Variants in GFM1 observed in about 807,000 individuals in gnomAD.
GFM1 encodes the protein elongation factor G, mitochondrial.
Under a neutral mutation model 96.2 loss-of-function variants are expected in GFM1, and 62 were observed. The ratio of observed to expected loss-of-function variants is 0.64; its 90% confidence interval spans 0.53 to 0.80. The LOEUF (loss-of-function observed/expected upper bound fraction) is 0.80, where lower values mean the gene tolerates loss of function less well. Ranked by LOEUF, GFM1 falls within the 30% of genes least tolerant of loss-of-function variation. The pLI is 0.00. For missense variants in GFM1, 852 were observed against 916.6 expected (o/e 0.93, Z 0.91); for synonymous variants, 282 against 312.9 (o/e 0.90, Z 1.04).
chr3:158,660,810 T>C lies in GFM1; in HGVS notation c.1222-64T>C, dbSNP rs930658336. 6 of 1,391,760 alleles carry C rather than the reference T, an allele frequency of 4.3e-6. No individual in the cohort carries two copies. The African/African-American group carries it at 8.5e-5, about 20-fold the overall frequency. 86.2% of individuals were successfully genotyped at this position (1,391,760 alleles called of 1,614,324 possible). On this transcript the variant is annotated intron_variant, in intron 9 of 17. Coordinates refer to ENST00000486715, the MANE Select transcript of GFM1 (RefSeq NM_024996.7). Reference sequence around the variant, plus strand: ...AATGTGTGTACTGTACAGTTTACTTTTTAGTTACCACATCTTTATTTGTAT... The same window carrying C: ...AATGTGTGTACTGTACAGTTTACTTCTTAGTTACCACATCTTTATTTGTAT...
At position 158,653,286 on chromosome 3, in the gene GFM1, C is replaced by G. The variant is rs768792924; in HGVS notation, c.841-24C>G. The G allele has an allele frequency of 5.7e-6, 9 of 1,588,244 alleles. No individual in the cohort carries two copies. The African/African-American group carries it at 1.2e-4, about 21-fold the overall frequency. ...CAACATGTAATTTTAACATTAACTACCATTAAATTGTTTTCTTTTGTAGCT... is the reference window on the plus strand; with the variant it reads ...CAACATGTAATTTTAACATTAACTAGCATTAAATTGTTTTCTTTTGTAGCT... On this transcript the variant is annotated intron_variant, in intron 6 of 17. Coordinates refer to ENST00000486715, the MANE Select transcript of GFM1 (RefSeq NM_024996.7).
chr3:158,690,382 T>C, intron 16 of GFM1, 59 bp downstream of exon 16: 1 of 1,541,698 alleles, frequency 6.5e-7, no homozygotes, highest in East Asian at 2.2e-5. Flanking sequence ...GAAATCCAGG[T>C]TAGCTTTTGT....
intron 13 of GFM1, among the ~76,000 whole-genome samples, chr3:158,677,130 A>G (rs1436015894): frequency 6.6e-6 from 1 of 152,072 alleles, no homozygotes; most frequent in Non-Finnish European, 1.5e-5. Flanking sequence ...GTGATTTCTG[A>G]TGTTATTGTA....
At chr3:158,674,111 C>T (rs1019828463) in intron 13 of GFM1, among the ~76,000 whole-genome samples, 9 of 139,522 alleles carry the variant, frequency 6.5e-5, no homozygotes, top group East Asian at 2.1e-4. Context: ...GACAGAGTTT[C>T]GCTCTGTTGC....
intron 13 of GFM1, among the ~76,000 whole-genome samples, chr3:158,668,592 G>A (rs150956338): frequency 1.3e-5 from 2 of 152,304 alleles, no homozygotes; most frequent in African/African-American, 4.8e-5. Context: ...TATGATTACC[G>A]TGATGCTTTT....
chr3:158,684,866 C>T lies in GFM1; in HGVS notation c.1909+198C>T, dbSNP rs1008925387. 9 of 574,770 alleles carry T rather than the reference C, an allele frequency of 1.6e-5. No individual in the cohort carries two copies. In the African/African-American group the frequency reaches 1.7e-4, roughly 11 times the overall value. The allele number at this position is 574,770 out of a possible 1,614,324, so 35.6% of individuals were successfully genotyped here. On this transcript the variant is annotated intron_variant, in intron 15 of 17. Transcript: ENST00000486715. ...TCTTTCTTGCAAAGCTAAAAGACTA[C>T]TGTATTCTCCTACATTCTCTGGGGC...
At chr3:158,658,894 C>T in intron 8 of GFM1, 28 bp from the exon 9 acceptor site, 1 of 1,613,074 alleles carries the variant, frequency 6.2e-7, no homozygotes, top group Non-Finnish European at 8.5e-7. Flanking sequence ...TTTTATTCTT[C>T]CTGCCCTTAC....
chr3:158,656,993 A>C (rs1409806585), intron 8 of GFM1: 1 of 152,130 alleles, frequency 6.6e-6, no homozygotes, highest in Non-Finnish European at 1.5e-5. Context: ...GTTCCTTTTT[A>C]AGTAAAATGG....
chr3:158,646,295 C>G lies in GFM1; in HGVS notation c.365C>G (p.Pro122Arg), dbSNP rs1721797567. ...GTCAATATTAACATTATAGATACTCCTGGTGAGTTGGATTCTTGGTTTTAT... is the reference window on the plus strand; with the variant it reads ...GTCAATATTAACATTATAGATACTCGTGGTGAGTTGGATTCTTGGTTTTAT... Reference protein sequence around the residue: ...KDVNINIIDTPGHVDFTIEVE... With the variant: ...KDVNINIIDTRGHVDFTIEVE... Residue 122 changes from proline to arginine, a missense_variant and splice_region_variant, in exon 3 of 18, where the codon CCT becomes CGT. Coordinates refer to ENST00000486715, the MANE Select transcript of GFM1 (RefSeq NM_024996.7). The G allele has an allele frequency of 6.2e-7, 1 of 1,614,068 alleles. No homozygotes were observed. Among genetic ancestry groups the G allele is most frequent in the Non-Finnish European group, 8.5e-7 (1 of 1,179,946 alleles).
chr3:158,685,294 C>T (rs1462585847), intron 15 of GFM1: 2 of 152,394 alleles, frequency 1.3e-5, no homozygotes, highest in Non-Finnish European at 2.9e-5. Context: ...AGCAGTTTCA[C>T]ATCAGGATTA....
chr3:158,691,891 G>GTT lies in GFM1; in HGVS notation c.*425_*426dup, dbSNP rs1433491080. ...ACATACTTTCCATCTACCTTCCTTT[G>GTT]TTAACGGGTTGTTTATCATATAATA... On this transcript the variant is annotated 3_prime_UTR_variant, in exon 18 of 18. Transcript: ENST00000486715. 5.6e-6 allele frequency: 1 copy of GTT among 178,302 alleles called. No individual in the cohort carries two copies. Among genetic ancestry groups the GTT allele is most frequent in the East Asian group, 1.6e-4 (1 of 6,290 alleles). 11.0% of individuals were successfully genotyped at this position (178,302 alleles called of 1,614,324 possible).
intron 9 of GFM1, chr3:158,660,508 A>G (rs575834304): frequency 2.0e-5 from 5 of 255,054 alleles, no homozygotes; most frequent in African/African-American, 4.6e-5. Context: ...TCGGCCTCCC[A>G]AAGTGCTGTG....
chr3:158,648,072 CT>C (rs903232869), intron 4 of GFM1, among the ~76,000 whole-genome samples: 4 of 151,390 alleles, frequency 2.6e-5, no homozygotes, highest in African/African-American at 4.9e-5. Context: ...TGCCTGAAAA[CT>C]TTTTTTTTCA....
intron 13 of GFM1, among the ~76,000 whole-genome samples, chr3:158,672,099 G>A (rs191301816): frequency 7.8e-4 from 119 of 152,244 alleles, no homozygotes; most frequent in African/African-American, 2.8e-3. Flanking sequence ...CCGTTTTCTT[G>A]TAACTGTGTG....
intron 15 of GFM1, among the ~76,000 whole-genome samples, chr3:158,687,438 C>G (rs1022375806): frequency 6.6e-6 from 1 of 152,110 alleles, no homozygotes; most frequent in African/African-American, 2.4e-5. Flanking sequence ...CTCAAAACAT[C>G]ACACTGTATC....
chr3:158,668,995 C>A lies in GFM1; in HGVS notation c.1601+2609C>A, dbSNP rs768523167. 2.5e-6 allele frequency: 4 copies of A among 1,607,318 alleles called. No individual in the cohort carries two copies. In the South Asian group the frequency reaches 3.3e-5, roughly 13 times the overall value. On this transcript the variant is annotated intron_variant, in intron 13 of 17. Transcript: ENST00000486715. Reference sequence around the variant, plus strand: ...TAGTGTATTTTATAGAAACTACTTACCACTTGCTTGACAGTTTGAATTTTT... The same window carrying A: ...TAGTGTATTTTATAGAAACTACTTAACACTTGCTTGACAGTTTGAATTTTT...
chr3:158,694,059 C>T lies in GFM1; in HGVS notation c.*2592C>T, dbSNP rs1348919157. On this transcript the variant is annotated 3_prime_UTR_variant, in exon 18 of 18. Coordinates refer to ENST00000486715, the MANE Select transcript of GFM1 (RefSeq NM_024996.7). Reference sequence around the variant, plus strand: ...TGGGGTCTTCTAAGACAAAAACCATCTGACTCAGCAATACCATTACTATAT... The same window carrying T: ...TGGGGTCTTCTAAGACAAAAACCATTTGACTCAGCAATACCATTACTATAT... Among the ~76,000 whole-genome samples the T allele has an allele frequency of 6.6e-6, 1 of 151,746 alleles. No homozygotes were observed. Among genetic ancestry groups the T allele is most frequent in the Non-Finnish European group, 1.5e-5 (1 of 67,936 alleles).
rs1726466634 is a variant in GFM1 at position 158,694,063 on chromosome 3, CT to C, written c.*2597del. On this transcript the variant is annotated 3_prime_UTR_variant, in exon 18 of 18. Transcript: ENST00000486715. ...GTCTTCTAAGACAAAAACCATCTGA[CT>C]CAGCAATACCATTACTATATACCCA... Among the ~76,000 whole-genome samples the C allele has an allele frequency of 1.3e-5, 2 of 151,736 alleles. No individual in the cohort carries two copies. The highest frequency in any genetic ancestry group is 1.5e-5 in the Non-Finnish European group (1 of 67,964).
intron 4 of GFM1, 125 bp from the exon 5 acceptor site, chr3:158,648,916 C>A: frequency 1.5e-6 from 1 of 686,258 alleles, no homozygotes; most frequent in Non-Finnish European, 2.7e-6. Context: ...TCTGTTCTGA[C>A]CTGATGGTAA....
Sources: allele counts gnomAD v4.1 joint callset (sites outside exome capture counted in the v4.1 genomes callset), GRCh38; gene constraint gnomAD v4.1.1; transcripts MANE v1.5; gene names NCBI Gene and HGNC (gene_info 2026-07-23, HGNC 2026-07-21).